CREB5: variants seen among roughly 807,000 people sequenced by gnomAD.
CREB5 encodes the protein cAMP responsive element binding protein 5.
In CREB5, 19 loss-of-function variants were observed where a neutral mutation model predicts 57.1. The observed-to-expected ratio is 0.33, with a 90% CI of 0.23 to 0.49. The LOEUF (loss-of-function observed/expected upper bound fraction) is 0.49, where lower values mean the gene tolerates loss of function less well. CREB5 is among the 20% of genes least tolerant of loss of function. CREB5 has a pLI of 0.99. For missense variants in CREB5, 579 were observed against 671.6 expected (o/e 0.86, Z 1.52); for synonymous variants, 238 against 238.3 (o/e 1.00, Z 0.01).
intron 7 of CREB5, among the ~76,000 whole-genome samples, chr7:28,755,412 G>A (rs975037122): frequency 1.3e-5 from 2 of 152,196 alleles, no homozygotes; most frequent in Non-Finnish European, 2.9e-5. Context: ...CAGTAGACCT[G>A]TTGAGTTGAG....
In CREB5 at chr7:28,713,355, T is replaced by G. The variant is rs945826720; in HGVS notation, c.465-5398T>G. ...ATGTCTTTGCATAAGCAAATACAAG[T>G]GCAATGAGCAAATATTCTTTTTGTG... On this transcript the variant is annotated intron_variant, in intron 5 of 10. Coordinates refer to ENST00000357727, the MANE Select transcript of CREB5 (RefSeq NM_182898.4). Among the ~76,000 whole-genome samples the G allele has an allele frequency of 3.9e-5, 6 of 152,222 alleles. No homozygotes were observed. In the East Asian group the frequency reaches 7.7e-4, roughly 20 times the overall value.
At chr7:28,626,341 G>A (rs950931609) in intron 5 of CREB5, among the ~76,000 whole-genome samples, 1 of 152,166 alleles carries the variant, frequency 6.6e-6, no homozygotes, top group African/African-American at 2.4e-5. Context: ...TTGGAAAATA[G>A]CACTAATACT....
At chr7:28,528,509 A>G (rs1190475336) in intron 4 of CREB5, among the ~76,000 whole-genome samples, 1 of 152,132 alleles carries the variant, frequency 6.6e-6, no homozygotes, top group African/African-American at 2.4e-5. Flanking sequence ...GTTGGAGACC[A>G]GCCTGACCAA....
At chr7:28,505,028 C>A (rs1407759636) in intron 3 of CREB5, among the ~76,000 whole-genome samples, 2 of 152,112 alleles carry the variant, frequency 1.3e-5, no homozygotes, top group Admixed American at 1.3e-4. Context: ...CAAACTTGGC[C>A]TTATGAATTA....
In CREB5 at chr7:28,773,415, T is replaced by C. The variant is rs934917079; in HGVS notation, c.703-30784T>C. 2.6e-5 allele frequency among the ~76,000 whole-genome samples: 4 copies of C among 152,230 alleles called. No individual in the cohort carries two copies. In the East Asian group the frequency reaches 5.8e-4, roughly 22 times the overall value. ...TTTTAGAGCTATTCTTATAAATTAT[T>C]AATTAAAGCTTTTAATAACTGAAGC... On this transcript the variant is annotated intron_variant, in intron 7 of 10. Transcript: ENST00000357727.
At chr7:28,762,230 A>G (rs1805701741) in intron 7 of CREB5, among the ~76,000 whole-genome samples, 1 of 152,214 alleles carries the variant, frequency 6.6e-6, no homozygotes, top group Non-Finnish European at 1.5e-5. Context: ...TTCAAACCCC[A>G]CATTTCAAAG....
chr7:28,524,601 A>G (rs1467354703), intron 4 of CREB5, among the ~76,000 whole-genome samples: 1 of 152,230 alleles, frequency 6.6e-6, no homozygotes, highest in Non-Finnish European at 1.5e-5. Context: ...CATGCTGTGT[A>G]GAGAATCTTG....
chr7:28,666,007 G>A (rs967347541), intron 5 of CREB5, among the ~76,000 whole-genome samples: 1 of 152,010 alleles, frequency 6.6e-6, no homozygotes. Context: ...AAAACAGTAA[G>A]AAAAATCTAT....
At chr7:28,555,770 C>A (rs1312154801) in intron 4 of CREB5, among the ~76,000 whole-genome samples, 2 of 152,196 alleles carry the variant, frequency 1.3e-5, no homozygotes, top group African/African-American at 4.8e-5. Flanking sequence ...AATTCACTTA[C>A]TGAAAGCTCC....
At chr7:28,615,573 T>A (rs115723871) in intron 5 of CREB5, 1 of 152,470 alleles carries the variant, frequency 6.6e-6, no homozygotes, top group African/African-American at 2.4e-5. Flanking sequence ...GTGTAACAAA[T>A]GCCTTGAACC....
intron 4 of CREB5, among the ~76,000 whole-genome samples, chr7:28,553,197 C>A (rs1056450519): frequency 2.0e-5 from 3 of 152,186 alleles, no homozygotes; most frequent in African/African-American, 4.8e-5. Flanking sequence ...TTTCTACCCA[C>A]CCCTAATTTA....
At chr7:28,454,698 G>A (rs1181272576) in intron 1 of CREB5, among the ~76,000 whole-genome samples, 1 of 152,214 alleles carries the variant, frequency 6.6e-6, no homozygotes. Context: ...GTTTGTCCCA[G>A]GGCCCCAGAT....
chr7:28,681,042 T>C (rs1006990644), intron 5 of CREB5, among the ~76,000 whole-genome samples: 1 of 152,172 alleles, frequency 6.6e-6, no homozygotes, highest in Admixed American at 6.5e-5. Context: ...GATCAGCTGC[T>C]CTGACATCCA....
At chr7:28,404,070 C>T (rs1025750571) in intron 1 of CREB5, among the ~76,000 whole-genome samples, 7 of 152,122 alleles carry the variant, frequency 4.6e-5, no homozygotes, top group South Asian at 2.1e-4. Context: ...CTTACCAGAA[C>T]GTGGATACAC....
At chr7:28,583,823 C>A (rs1302958267) in intron 5 of CREB5, among the ~76,000 whole-genome samples, 1 of 152,084 alleles carries the variant, frequency 6.6e-6, no homozygotes, top group East Asian at 1.9e-4. Flanking sequence ...GGTTTACAGG[C>A]ATGATCCCCC....
intron 5 of CREB5, 78 bp from the exon 6 acceptor site, chr7:28,718,675 T>A (rs1802841197): frequency 6.4e-7 from 1 of 1,571,256 alleles, no homozygotes; most frequent in Admixed American, 1.7e-5. Context: ...GACATTGTTG[T>A]CCCTGCTGTT....
At position 28,566,958 on chromosome 7, in the gene CREB5, A is replaced by G. The variant is rs961152601; in HGVS notation, c.292-3407A>G. Among the ~76,000 whole-genome samples the G allele has an allele frequency of 4.6e-5, 7 of 152,186 alleles. No individual in the cohort carries two copies. In the East Asian group the frequency reaches 1.3e-3, roughly 29 times the overall value. The stretch of plus-strand genomic sequence containing the variant: ...TAGTATTCTTTTTGGTGATTCTCAG[A>G]GAAGATTCTTAAACTTTTGGGGGAG... On this transcript the variant is annotated intron_variant, in intron 4 of 10. Coordinates refer to ENST00000357727, the MANE Select transcript of CREB5 (RefSeq NM_182898.4).
intron 1 of CREB5, among the ~76,000 whole-genome samples, chr7:28,377,671 C>G (rs150040261): frequency 7.8e-4 from 118 of 152,006 alleles, no homozygotes; most frequent in African/African-American, 2.7e-3. Context: ...TCAGTCTCTA[C>G]ATTGAGCTGA....
intron 1 of CREB5, among the ~76,000 whole-genome samples, chr7:28,399,899 A>T (rs1384093989): frequency 6.6e-6 from 1 of 152,184 alleles, no homozygotes; most frequent in Admixed American, 6.5e-5. Context: ...CACTAAAAAA[A>T]ATACAAAAAT....
Sources: gnomAD v4.1 joint callset for allele counts (sites outside exome capture counted in the v4.1 genomes callset) on GRCh38, gnomAD v4.1.1 for gene constraint, MANE v1.5 for transcripts, NCBI Gene and HGNC (gene_info 2026-07-23, HGNC 2026-07-21) for gene names.